The following ARHGAP8 variants were observed in gnomAD, a reference collection of about 807,000 sequenced individuals.
ARHGAP8 encodes the protein Rho GTPase activating protein 8.
A neutral mutation model predicts 46.1 loss-of-function variants in ARHGAP8; 62 were observed. The ratio of observed to expected loss-of-function variants is 1.34; its 90% confidence interval spans 1.10 to 1.66. The LOEUF is 1.66. Among genes scored for constraint, ARHGAP8 ranks in the 40% most tolerant of loss-of-function variants. The pLI, the probability that ARHGAP8 is intolerant of heterozygous loss-of-function variation, is 0.00. For missense variants in ARHGAP8, 923 were observed against 568.4 expected (o/e 1.62, Z -6.34); for synonymous variants, 375 against 243.1 (o/e 1.54, Z -5.05).
At chr22:44,773,071 C>G (rs1926162631) in intron 1 of ARHGAP8, among the ~76,000 whole-genome samples, 1 of 152,064 alleles carries the variant, frequency 6.6e-6, no homozygotes, top group South Asian at 2.1e-4. Flanking sequence ...CTGCTTTGGC[C>G]TCCCAAAGTG....
At chr22:44,846,239 A>G (rs2069952735) in intron 8 of ARHGAP8, among the ~76,000 whole-genome samples, 2 of 152,176 alleles carry the variant, frequency 1.3e-5, no homozygotes, top group Non-Finnish European at 2.9e-5. Flanking sequence ...TTCCCATGCA[A>G]TAGCTCTTAA....
intron 10 of ARHGAP8, among the ~76,000 whole-genome samples, chr22:44,853,342 A>C (rs571701489): frequency 6.6e-6 from 1 of 152,264 alleles, no homozygotes; most frequent in Admixed American, 6.5e-5. Context: ...AGTTTATATC[A>C]AGTCTTCCAG....
At chr22:44,810,259 T>TTG (rs1491521203) in intron 4 of ARHGAP8, among the ~76,000 whole-genome samples, 16 of 131,520 alleles carry the variant, frequency 1.2e-4, no homozygotes, top group African/African-American at 4.4e-4. Flanking sequence ...TTTTTTTTTT[T>TTG]GAGACAGAGT....
At position 44,814,636 on chromosome 22, in the gene ARHGAP8, C is replaced by T. The variant is rs374007991; in HGVS notation, c.300-36C>T. ...TGGGCGTGGGGTGTTTCTCGGAGCG[C>T]GGCAGCCTGAAGTCATCCCCCGTTT... On this transcript the variant is annotated intron_variant, in intron 4 of 11. Transcript: ENST00000356099. The T allele has an allele frequency of 1.0e-4, 161 of 1,595,980 alleles. 1 individual carries two copies. In the South Asian group the frequency reaches 1.2e-3, roughly 11 times the overall value.
chr22:44,849,596 G>C (rs1229897751), intron 10 of ARHGAP8: 1 of 153,822 alleles, frequency 6.5e-6, no homozygotes, highest in Non-Finnish European at 1.4e-5. Flanking sequence ...TCAAAACACT[G>C]GTGAATGCTA....
At chr22:44,839,789 C>G (rs1205713246) in intron 7 of ARHGAP8, among the ~76,000 whole-genome samples, 1 of 152,252 alleles carries the variant, frequency 6.6e-6, no homozygotes, top group Non-Finnish European at 1.5e-5. Context: ...CCTGTTACCA[C>G]TTCACAGATT....
At chr22:44,826,581 C>T (rs551090809) in intron 7 of ARHGAP8, among the ~76,000 whole-genome samples, 2 of 152,150 alleles carry the variant, frequency 1.3e-5, no homozygotes, top group African/African-American at 2.4e-5. Context: ...CACACCACCA[C>T]GCCTGGCTAA....
At chr22:44,753,324 C>T (rs971366892) in intron 1 of ARHGAP8, among the ~76,000 whole-genome samples, 2 of 151,692 alleles carry the variant, frequency 1.3e-5, no homozygotes, top group Non-Finnish European at 2.9e-5. Context: ...TGGGTTCAAG[C>T]GATTCTTGTG....
rs577495763 is a variant in ARHGAP8 at position 44,862,477 on chromosome 22, G to C, written c.1184G>C (p.Trp395Ser). 6 of 1,613,620 alleles carry C rather than the reference G, an allele frequency of 3.7e-6. No individual in the cohort carries two copies. In the Admixed American group the frequency reaches 1.0e-4, roughly 27 times the overall value. The change falls in exon 12 of 12, where the codon TGG becomes TCG. Residue 395 changes from tryptophan to serine, a missense_variant. Coordinates refer to ENST00000356099, the MANE Select transcript of ARHGAP8 (RefSeq NM_181335.3). Reference protein sequence around the residue: ...EAPGEHGLAPWEQGSRAAPLQ... With the variant: ...EAPGEHGLAPSEQGSRAAPLQ... ...CCTGGGGAGCACGGCCTGGCACCATGGGAACAGGGGAGCAGGGCAGCCCCT... is the reference window on the plus strand; with the variant it reads ...CCTGGGGAGCACGGCCTGGCACCATCGGAACAGGGGAGCAGGGCAGCCCCT...
At chr22:44,835,593 C>G (rs569287034) in intron 7 of ARHGAP8, among the ~76,000 whole-genome samples, 3 of 152,310 alleles carry the variant, frequency 2.0e-5, no homozygotes, top group African/African-American at 7.2e-5. Flanking sequence ...TGCACTCCAG[C>G]ATGGCAACAG....
intron 6 of ARHGAP8, among the ~76,000 whole-genome samples, chr22:44,823,578 A>G (rs1476758415): frequency 1.3e-5 from 2 of 152,012 alleles, no homozygotes; most frequent in African/African-American, 4.8e-5. Flanking sequence ...CCATGAGAGG[A>G]TGATGGGAAT....
chr22:44,848,038 C>A lies in ARHGAP8; in HGVS notation c.736C>A (p.Leu246Ile). The change falls in exon 9 of 12, where the codon CTC becomes ATC. Residue 246 changes from leucine (L) to isoleucine (I), a missense_variant. Physicochemically the swap from Leu to Ile is conservative, Grantham distance 5. Coordinates refer to ENST00000356099, the MANE Select transcript of ARHGAP8 (RefSeq NM_181335.3). ...SVQTVREIQR[L>I]YNQGKPVNFD... ...GCAGACCGTCCGCGAGATCCAGAGG[C>A]TCTACAACCAAGGTGAGGGTGTCCC... The A allele has an allele frequency of 6.2e-7, 1 of 1,607,068 alleles. No homozygotes were observed. The highest frequency in any genetic ancestry group is 1.3e-5 in the African/African-American group (1 of 75,062).
At chr22:44,814,267 C>T (rs1010968123) in intron 4 of ARHGAP8, among the ~76,000 whole-genome samples, 1 of 152,194 alleles carries the variant, frequency 6.6e-6, no homozygotes, top group African/African-American at 2.4e-5. Context: ...CCATCATAAC[C>T]AACACGGTGA....
chr22:44,840,522 A>G (rs1931581288), intron 7 of ARHGAP8, among the ~76,000 whole-genome samples: 1 of 152,180 alleles, frequency 6.6e-6, no homozygotes, highest in African/African-American at 2.4e-5. Flanking sequence ...TGCTATGACA[A>G]AGTACCATAA....
At chr22:44,802,321 G>A (rs1440858124) in intron 3 of ARHGAP8, among the ~76,000 whole-genome samples, 157 bp downstream of exon 3, 1 of 152,182 alleles carries the variant, frequency 6.6e-6, no homozygotes, top group Non-Finnish European at 1.5e-5. Flanking sequence ...GCCTACCCGA[G>A]GGCCAACTGT....
At chr22:44,844,602 A>G in intron 7 of ARHGAP8, among the ~76,000 whole-genome samples, 1 of 152,042 alleles carries the variant, frequency 6.6e-6, no homozygotes, top group South Asian at 2.1e-4. Context: ...AGCTGAGATT[A>G]CAGGTGTACA....
In ARHGAP8 at chr22:44,789,310, C is replaced by A. The variant is rs936949829; in HGVS notation, c.79+2704C>A. Among the ~76,000 whole-genome samples the A allele has an allele frequency of 3.1e-4, 47 of 152,092 alleles. 1 individual carries two copies. Among genetic ancestry groups the A allele is most frequent in the Non-Finnish European group, 2.9e-5 (2 of 68,028 alleles). ...GGATTACAGGCACCCGCCACCAAGC[C>A]CCGATAATTTTTGTATCTTTAGCAG... is the stretch of plus-strand genomic sequence containing the variant. On this transcript the variant is annotated intron_variant, in intron 2 of 11. Coordinates refer to ENST00000356099, the MANE Select transcript of ARHGAP8 (RefSeq NM_181335.3).
rs116409058 is a variant in ARHGAP8 at position 44,852,844 on chromosome 22, T to C, written c.877+3784T>C. ...TTTTGAGGTGAAGTCTCACTCTCAC[T>C]CAGGCTGGAGTGCAGTGGCACGATC... is the stretch of plus-strand genomic sequence containing the variant. On this transcript the variant is annotated intron_variant, in intron 10 of 11. Coordinates refer to ENST00000356099, the MANE Select transcript of ARHGAP8 (RefSeq NM_181335.3). 5.8e-3 allele frequency among the ~76,000 whole-genome samples: 879 copies of C among 152,298 alleles called. 13 individuals are homozygous for C. Among genetic ancestry groups the C allele is most frequent in the East Asian group, 0.039 (204 of 5,180 alleles).
At chr22:44,807,263 G>A (rs941610641) in intron 3 of ARHGAP8, among the ~76,000 whole-genome samples, 3 of 152,200 alleles carry the variant, frequency 2.0e-5, no homozygotes, top group Non-Finnish European at 4.4e-5. Context: ...GGAGGGTTAG[G>A]GGGTCCTTCT....
Sources: gnomAD v4.1 joint callset for allele counts (sites outside exome capture counted in the v4.1 genomes callset) on GRCh38, gnomAD v4.1.1 for gene constraint, MANE v1.5 for transcripts, NCBI Gene and HGNC (gene_info 2026-07-23, HGNC 2026-07-21) for gene names.